Variants in SLC16A5 observed in about 807,000 individuals in gnomAD.
The protein encoded by SLC16A5 is solute carrier family 16 member 5.
SLC16A5 carries 29 observed loss-of-function variants against 33.2 expected under a neutral mutation model. The observed-to-expected ratio is 0.87, with a 90% confidence interval of 0.65 to 1.19. The LOEUF is 1.19. SLC16A5 is among the 50% of genes most tolerant of loss of function. The pLI is 0.00. For missense variants in SLC16A5, 606 were observed against 678.2 expected, an observed-to-expected ratio of 0.89 and a Z score of 1.18; for synonymous variants, 248 against 284.1, an observed-to-expected ratio of 0.87 and a Z score of 1.28.
At chr17:75,095,971 A>C (rs566167217) in intron 3 of SLC16A5, among the ~76,000 whole-genome samples, 1 of 151,546 alleles carries the variant, frequency 6.6e-6, no homozygotes. Flanking sequence ...TACCCAGCTA[A>C]TTTTTTTACT....
chr17:75,096,770 G>A (rs1190064665), intron 3 of SLC16A5, among the ~76,000 whole-genome samples: 5 of 150,202 alleles, frequency 3.3e-5, no homozygotes, highest in Non-Finnish European at 7.4e-5. Context: ...GACTTCAGGC[G>A]ATCCACCTGC....
At chr17:75,095,576 C>T (rs1265863034) in intron 3 of SLC16A5, among the ~76,000 whole-genome samples, 5 of 152,116 alleles carry the variant, frequency 3.3e-5, no homozygotes, top group African/African-American at 1.2e-4. Context: ...CAGCCTATTG[C>T]AGCCTTAACC....
At chr17:75,091,595 G>A (rs905830277) in intron 2 of SLC16A5, among the ~76,000 whole-genome samples, 3 of 152,194 alleles carry the variant, frequency 2.0e-5, no homozygotes, top group African/African-American at 7.2e-5. Context: ...GAGTGGAGCC[G>A]GCTTAGGTGC....
chr17:75,093,596 C>T lies in SLC16A5; in HGVS notation c.-41C>T. The stretch of plus-strand genomic sequence containing the variant: ...ATTCTGTCCCCTCCCCAGGCAGCAG[C>T]CACATTGGCAGTGAGGCCGTGGCAG... On this transcript the variant is annotated 5_prime_UTR_variant, in exon 3 of 7. Transcript: ENST00000329783. The T allele has an allele frequency of 6.3e-7, 1 of 1,587,266 alleles. No individual in the cohort carries two copies. Among genetic ancestry groups the T allele is most frequent in the Non-Finnish European group, 8.5e-7 (1 of 1,171,214 alleles).
At chr17:75,101,584 A>AAAAAC (rs2073800384) in intron 5 of SLC16A5, among the ~76,000 whole-genome samples, 1 of 147,758 alleles carries the variant, frequency 6.8e-6, no homozygotes, top group African/African-American at 2.6e-5. Context: ...AAAAAAAAAA[A>AAAAAC]AGCATGGGTT....
At position 75,100,011 on chromosome 17, in the gene SLC16A5, G is replaced by C; in HGVS notation, c.348G>C (p.Leu116=). The change falls in exon 5 of 7, where the codon CTG becomes CTC. Residue 116 remains leucine (L), a synonymous_variant. Coordinates refer to ENST00000329783, the MANE Select transcript of SLC16A5 (RefSeq NM_004695.4). The part of the protein sequence containing the change: ...LYFTAGFITG[L]GMCFSFQSSI... Reference sequence around the variant, plus strand: ...GTTTCCCCTCTTGCCCCGCAGGCCTGGGCATGTGCTTCAGCTTCCAGTCAA... The same window carrying C: ...GTTTCCCCTCTTGCCCCGCAGGCCTCGGCATGTGCTTCAGCTTCCAGTCAA... 1 of 1,609,508 alleles carries C rather than the reference G, an allele frequency of 6.2e-7. No homozygotes were observed. Among genetic ancestry groups the C allele is most frequent in the Non-Finnish European group, 8.5e-7 (1 of 1,179,082 alleles).
chr17:75,107,256 C>T (rs900731683), downstream of SLC16A5, among the ~76,000 whole-genome samples: 5 of 151,744 alleles, frequency 3.3e-5, no homozygotes, highest in African/African-American at 1.2e-4. Flanking sequence ...GCTGTGATCA[C>T]ACCACTGCAC....
In SLC16A5 at chr17:75,104,074, CAGA is replaced by C. The variant is rs779807416; in HGVS notation, c.1264_1266del (p.Lys422del). On this transcript the variant is annotated inframe_deletion, in exon 6 of 7. Coordinates refer to ENST00000329783, the MANE Select transcript of SLC16A5 (RefSeq NM_004695.4). ...CATGGGTGGCAGCTTCTACGCCCTG[CAGA>C]AGAAGGAGCAAGGCAAGCAGGCTGT... 2.3e-5 allele frequency: 37 copies of C among 1,614,218 alleles called. No individual in the cohort carries two copies. The African/African-American group carries it at 4.5e-4, about 20-fold the overall frequency.
chr17:75,104,487 T>A, intron 6 of SLC16A5: 1 of 1,111,520 alleles, frequency 9.0e-7, no homozygotes, highest in Non-Finnish European at 1.1e-6. Flanking sequence ...TGGCACCATC[T>A]CGGCTCACTG....
At chr17:75,095,444 G>A (rs2073705074) in intron 3 of SLC16A5, among the ~76,000 whole-genome samples, 1 of 152,192 alleles carries the variant, frequency 6.6e-6, no homozygotes, top group African/African-American at 2.4e-5. Flanking sequence ...ACATACACGT[G>A]TATGAGCCCG....
chr17:75,101,232 A>C (rs1347238587), intron 5 of SLC16A5, among the ~76,000 whole-genome samples: 2 of 128,186 alleles, frequency 1.6e-5, no homozygotes, highest in African/African-American at 6.0e-5. Flanking sequence ...CTGGGCAACA[A>C]AGCGAGACTC....
At chr17:75,104,985 AC>A in intron 6 of SLC16A5, 1 of 985,202 alleles carries the variant, frequency 1.0e-6, no homozygotes, top group Non-Finnish European at 1.2e-6. Context: ...TGGCCTCCAT[AC>A]CGTTCTGAAG....
intron 6 of SLC16A5, chr17:75,104,415 C>CTTTTTTTT (rs577017676): frequency 2.5e-6 from 2 of 809,050 alleles, no homozygotes; most frequent in African/African-American, 5.0e-5. Flanking sequence ...CTGAGAAACT[C>CTTTTTTTT]TTTTTTTTTT....
rs772415709 is a variant in SLC16A5, at chr17:75,093,841, C to CGGCCTAGGGAGG, written c.199+11_199+22dup. 6.8e-6 allele frequency: 11 copies of CGGCCTAGGGAGG among 1,612,746 alleles called. No individual in the cohort carries two copies. Among genetic ancestry groups the CGGCCTAGGGAGG allele is most frequent in the Non-Finnish European group, 9.3e-6 (11 of 1,179,204 alleles). On this transcript the variant is annotated splice_region_variant and intron_variant, in intron 3 of 6. Transcript: ENST00000329783. ...GGCTGTGCTCCACATGGCAGGTGAGCGGCCTAGGGAGGGGCCGATGAGAAA... is the reference window on the plus strand; with the variant it reads ...GGCTGTGCTCCACATGGCAGGTGAGCGGCCTAGGGAGGGGCCTAGGGAGGGGCCGATGAGAAA...
At chr17:75,093,336 G>A in intron 2 of SLC16A5, 1 of 1,428,006 alleles carries the variant, frequency 7.0e-7, no homozygotes, top group Non-Finnish European at 9.5e-7. Flanking sequence ...GCCCCGTCCT[G>A]TCCCTCCTAT....
chr17:75,100,291 A>G lies in SLC16A5; in HGVS notation c.628A>G (p.Thr210Ala), dbSNP rs531920152. The change falls in exon 5 of 7, where the codon ACA becomes GCA. Residue 210 changes from threonine to alanine, a missense_variant. By Grantham distance (58) the Thr-to-Ala change is moderately conservative. Coordinates refer to ENST00000329783, the MANE Select transcript of SLC16A5 (RefSeq NM_004695.4). ...AGAATGTCCCCCGCCACCTCCCGAG[A>G]CACCTGCACTTGGCTGCCTGGCTGC... ...TKECPPPPPE[T>A]PALGCLAACG... is the part of the protein sequence containing the mutation. 3.7e-5 allele frequency: 59 copies of G among 1,614,150 alleles called. No individual in the cohort carries two copies. In the East Asian group the frequency reaches 1.3e-3, roughly 35 times the overall value.
chr17:75,096,582 G>A (rs1227869292), intron 3 of SLC16A5, among the ~76,000 whole-genome samples: 1 of 150,248 alleles, frequency 6.7e-6, no homozygotes, highest in Non-Finnish European at 1.5e-5. Context: ...CCAGGCTGGA[G>A]TGTAGTGGCA....
chr17:75,101,825 G>A (rs561323841), intron 5 of SLC16A5, among the ~76,000 whole-genome samples: 2 of 152,060 alleles, frequency 1.3e-5, no homozygotes, highest in South Asian at 4.1e-4. Flanking sequence ...TATAGAAATG[G>A]GGTTTCACCA....
At chr17:75,096,848 T>TA (rs1220275720) in intron 3 of SLC16A5, among the ~76,000 whole-genome samples, 2 of 138,750 alleles carry the variant, frequency 1.4e-5, no homozygotes, top group Non-Finnish European at 3.1e-5. Context: ...TCACTTTTTT[T>TA]TTTTTTTTTT....
Sources: gnomAD v4.1 joint callset for allele counts (sites outside exome capture counted in the v4.1 genomes callset) on GRCh38, gnomAD v4.1.1 for gene constraint, MANE v1.5 for transcripts, NCBI Gene and HGNC (gene_info 2026-07-23, HGNC 2026-07-21) for gene names.